Variants in MYL6 observed in about 807,000 individuals in gnomAD.
MYL6 encodes the protein myosin light polypeptide 6.
MYL6 carries 20 observed loss-of-function variants against 20.3 expected under a neutral mutation model. The observed-to-expected ratio is 0.98, with a 90% confidence interval of 0.69 to 1.43. MYL6 has a LOEUF of 1.43. MYL6 is among the 40% of genes most tolerant of loss of function. The pLI is 0.00. For synonymous variants in MYL6, 77 were observed against 72.4 expected, an observed-to-expected ratio of 1.06 and a Z score of -0.32; for missense variants, 164 against 191.0, an observed-to-expected ratio of 0.86 and a Z score of 0.83.
chr12:56,159,016 C>T (rs1403667389), intron 2 of MYL6: 1 of 1,114,346 alleles, frequency 9.0e-7, no homozygotes, highest in East Asian at 3.2e-5. Context: ...TGCCTGCTTT[C>T]CTTTGTCCTT....
chr12:56,160,758 CTA>C, intron 6 of MYL6, 88 bp downstream of exon 6: 1 of 1,384,936 alleles, frequency 7.2e-7, no homozygotes, highest in Non-Finnish European at 1.0e-6. Context: ...TGCCCTTACC[CTA>C]CTACCATCTG....
At chr12:56,160,760 A>C in intron 6 of MYL6, 90 bp downstream of exon 6, 1 of 1,387,426 alleles carries the variant, frequency 7.2e-7, no homozygotes, top group Non-Finnish European at 1.0e-6. Flanking sequence ...CCCTTACCCT[A>C]CTACCATCTG....
chr12:56,160,396 T>TA, intron 5 of MYL6, 76 bp downstream of exon 5: 1 of 1,583,648 alleles, frequency 6.3e-7, no homozygotes, highest in Non-Finnish European at 8.7e-7. Flanking sequence ...GGGCTTTCCC[T>TA]ATCCCTGGAC....
chr12:56,160,909 G>A, intron 6 of MYL6: 1 of 591,666 alleles, frequency 1.7e-6, no homozygotes, highest in Non-Finnish European at 3.0e-6. Context: ...CCTGGGTGCT[G>A]GTGTCTGGGA....
rs772794526 is a variant in MYL6 at position 56,158,377 on chromosome 12, G to A, written c.-25G>A. 10 of 1,518,062 alleles carry A rather than the reference G, an allele frequency of 6.6e-6. No homozygotes were observed. In the African/African-American group the frequency reaches 7.0e-5, roughly 11 times the overall value. The allele number at this position is 1,518,062 out of a possible 1,614,324, so 94.0% of individuals were successfully genotyped here. A position where few individuals can be genotyped will look rare whatever the true frequency, so the allele number is the denominator to read the frequency against. ...AGTCGGAGCCATTACTGCAGGAAAA[G>A]GTCCCGGAGAGCTGAGCAGTCAAGA... is the stretch of plus-strand genomic sequence containing the variant. On this transcript the variant is annotated 5_prime_UTR_variant, in exon 1 of 7. Transcript: ENST00000550697.
At position 56,159,638 on chromosome 12, in the gene MYL6, T is replaced by C. The variant is rs760510178; in HGVS notation, c.83T>C (p.Leu28Pro). The change falls in exon 3 of 7, where the codon CTG (leucine) becomes CCG (proline). Residue 28 changes from leucine (L) to proline (P), a missense_variant. By Grantham distance (98) the Leu-to-Pro change is moderately conservative (BLOSUM62 -3). Transcript: ENST00000550697. Reference sequence around the variant, plus strand: ...GACCGAACAGGTGATGGCAAGATCCTGTACAGCCAGTGTGGGGATGTGATG... The same window carrying C: ...GACCGAACAGGTGATGGCAAGATCCCGTACAGCCAGTGTGGGGATGTGATG... Reference protein sequence around the residue: ...LFDRTGDGKILYSQCGDVMRA... With the variant: ...LFDRTGDGKIPYSQCGDVMRA... 4 of 1,614,120 alleles carry C rather than the reference T, an allele frequency of 2.5e-6. No homozygotes were observed. Among genetic ancestry groups the C allele is most frequent in the Admixed American group, 1.7e-5 (1 of 60,008 alleles).
intron 1 of MYL6, 61 bp from the exon 2 acceptor site, chr12:56,158,609 AGAGTTTGTGGGGCT>A (rs759809044): frequency 1.2e-6 from 2 of 1,607,500 alleles, no homozygotes; most frequent in Non-Finnish European, 1.7e-6. Flanking sequence ...TTTGTGGGTC[AGAGTTTGTGGGGCT>A]GGGATAGAAA....
intron 5 of MYL6, 76 bp from the exon 6 acceptor site, chr12:56,160,550 G>A (rs1592262023): frequency 1.3e-6 from 2 of 1,511,568 alleles, no homozygotes; most frequent in East Asian, 2.3e-5. Context: ...ATAATGGAAT[G>A]TCTGTCCCCA....
chr12:56,159,708 C>T lies in MYL6; in HGVS notation c.153C>T (p.Val51=). 5 of 1,614,124 alleles carry T rather than the reference C, an allele frequency of 3.1e-6. No individual in the cohort carries two copies. The highest frequency in any genetic ancestry group is 4.2e-6 in the Non-Finnish European group (5 of 1,179,968). The change falls in exon 3 of 7, where the codon GTC becomes GTT. Residue 51 remains valine, a synonymous_variant. Coordinates refer to ENST00000550697, the MANE Select transcript of MYL6 (RefSeq NM_021019.5). ...QNPTNAEVLK[V]LGNPKSDEMN... is the part of the protein sequence containing the mutation. ...CTACCAACGCCGAGGTGCTCAAGGT[C>T]CTGGGGAACCCCAAGAGTGATGGTG...
rs1231927525 is a variant in MYL6, at chr12:56,159,612, T to C, written c.57T>C (p.Phe19=). ...AGTTCAAGGAGGCCTTCCAGCTGTT[T>C]GACCGAACAGGTGATGGCAAGATCC... ...TAEFKEAFQL[F]DRTGDGKILY... Residue 19 remains phenylalanine (F), a synonymous_variant, in exon 3 of 7, where the codon TTT becomes TTC. Transcript: ENST00000550697. The C allele has an allele frequency of 2.5e-6, 4 of 1,613,866 alleles. No homozygotes were observed. Among genetic ancestry groups the C allele is most frequent in the Non-Finnish European group, 3.4e-6 (4 of 1,179,928 alleles).
Position 56,160,152 on chromosome 12 carries a change from A to G in MYL6, c.349+4A>G. On this transcript the variant is annotated splice_donor_region_variant and intron_variant, in intron 4 of 6. Transcript: ENST00000550697. ...CGGCATGTTCTTGTCACACTGGGTA[A>G]GGTTCTGTGTCCTTGTCCTTGAGCT... 6.2e-7 allele frequency: 1 copy of G among 1,613,896 alleles called. No homozygotes were observed. Among genetic ancestry groups the G allele is most frequent in the South Asian group, 1.1e-5 (1 of 91,038 alleles).
At chr12:56,160,484 A>T (rs1871693843) in intron 5 of MYL6, 142 bp from the exon 6 acceptor site, 1 of 1,406,262 alleles carries the variant, frequency 7.1e-7, no homozygotes, top group South Asian at 1.2e-5. Flanking sequence ...TCAGGGCGGT[A>T]TAACAGGAAA....
At position 56,161,396 on chromosome 12, in the gene MYL6, G is replaced by A. The variant is rs112034060; in HGVS notation, c.*26G>A. On this transcript the variant is annotated 3_prime_UTR_variant, in exon 7 of 7. Transcript: ENST00000550697. ...CCTTTCCTTTCCACAGAGCTCGTCC[G>A]CATGGTGCTGAATGGCTGAGGACCT... 9.3e-6 allele frequency: 15 copies of A among 1,614,120 alleles called. No individual in the cohort carries two copies. Among genetic ancestry groups the A allele is most frequent in the Middle Eastern group, 1.7e-4 (1 of 6,060 alleles).
Position 56,160,647 on chromosome 12 carries a change from C to T in MYL6, c.449C>T (p.Ser150Leu), listed in dbSNP as rs372692919. 34 of 1,614,032 alleles carry T rather than the reference C, an allele frequency of 2.1e-5. No homozygotes were observed. Among genetic ancestry groups the T allele is most frequent in the African/African-American group, 1.1e-4 (8 of 74,914 alleles). The change falls in exon 6 of 7, where the codon TCG (serine) becomes TTG (leucine). Residue 150 changes from serine to leucine, a missense_variant. By Grantham distance (145) the Ser-to-Leu change is moderately radical. Transcript: ENST00000550697. ...GCAGCGTTTGTGAGGCATATCCTGT[C>T]GGGGTGACGGGCCCATGGGGCGGGT... Reference protein sequence around the residue: ...NYEAFVRHILSG With the variant: ...NYEAFVRHILLG
rs1294623941 is a variant in MYL6, at chr12:56,158,707, C to T, written c.27C>T (p.Thr9=). Residue 9 remains threonine, a synonymous_variant, in exon 2 of 7, where the codon ACC becomes ACT. Coordinates refer to ENST00000550697, the MANE Select transcript of MYL6 (RefSeq NM_021019.5). ...AGTGTGACTTCACCGAAGACCAGACCGCAGGTAGGTTATCTCTGATCCCTA... is the reference window on the plus strand; with the variant it reads ...AGTGTGACTTCACCGAAGACCAGACTGCAGGTAGGTTATCTCTGATCCCTA... MCDFTEDQ[T]AEFKEAFQLF... is the part of the protein sequence containing the mutation. 4.3e-6 allele frequency: 7 copies of T among 1,613,916 alleles called. No individual in the cohort carries two copies. The highest frequency in any genetic ancestry group is 5.9e-6 in the Non-Finnish European group (7 of 1,180,002).
chr12:56,160,190 T>C, intron 4 of MYL6, 42 bp downstream of exon 4: 1 of 1,613,628 alleles, frequency 6.2e-7, no homozygotes, highest in Admixed American at 1.7e-5. Context: ...GATGGCACCC[T>C]GAGGTACCTC....
At chr12:56,161,166 CT>C in intron 6 of MYL6, 1 of 618,430 alleles carries the variant, frequency 1.6e-6, no homozygotes, top group Admixed American at 2.7e-5. Flanking sequence ...TGTGTTCTTG[CT>C]GCTTAGGTTT....
Position 56,158,381 on chromosome 12 carries a change from C to CCCG in MYL6, c.-20_-19insCGC. The CCCG allele has an allele frequency of 6.6e-7, 1 of 1,519,448 alleles. No individual in the cohort carries two copies. The highest frequency in any genetic ancestry group is 2.3e-5 in the East Asian group (1 of 44,084). 94.1% of individuals were successfully genotyped at this position (1,519,448 alleles called of 1,614,324 possible). The stretch of plus-strand genomic sequence containing the variant: ...GGAGCCATTACTGCAGGAAAAGGTC[C>CCCG]CGGAGAGCTGAGCAGTCAAGATGGT... On this transcript the variant is annotated 5_prime_UTR_variant, in exon 1 of 7. Coordinates refer to ENST00000550697, the MANE Select transcript of MYL6 (RefSeq NM_021019.5).
chr12:56,160,547 A>G, intron 5 of MYL6, 79 bp from the exon 6 acceptor site: 1 of 1,501,856 alleles, frequency 6.7e-7, no homozygotes, highest in Non-Finnish European at 9.3e-7. Flanking sequence ...GAAATAATGG[A>G]ATGTCTGTCC....
Sources: gnomAD v4.1 joint callset for allele counts on GRCh38, gnomAD v4.1.1 for gene constraint, MANE v1.5 for transcripts, NCBI Gene and HGNC (gene_info 2026-07-23, HGNC 2026-07-21) for gene names.